SORCS2: variants seen among roughly 807,000 people sequenced by gnomAD.
SORCS2 encodes the protein sortilin related VPS10 domain containing receptor 2.
In SORCS2, 100 loss-of-function variants were observed where a neutral mutation model predicts 141.6. The observed-to-expected ratio is 0.71, with a 90% CI of 0.60 to 0.83. The LOEUF (loss-of-function observed/expected upper bound fraction) is 0.83, where lower values mean the gene tolerates loss of function less well. SORCS2 is among the 40% of genes least tolerant of loss of function. The probability of loss-of-function intolerance (pLI) is 0.00; values close to 1 mark genes in which losing one functional copy is unlikely to be tolerated. For missense variants in SORCS2, 1,646 were observed against 1,560.2 expected (o/e 1.05, Z -0.93); for synonymous variants, 789 against 676.9 (o/e 1.17, Z -2.57).
chr4:7,615,003 G>A (rs896151631), intron 3 of SORCS2, among the ~76,000 whole-genome samples: 2 of 151,336 alleles, frequency 1.3e-5, no homozygotes, highest in Admixed American at 1.3e-4. Flanking sequence ...CCACCCATCT[G>A]TTCATCTGCT....
In SORCS2 at chr4:7,714,227, G is replaced by A. The variant is rs1726031997; in HGVS notation, c.1990-13G>A. 6.2e-7 allele frequency: 1 copy of A among 1,608,304 alleles called. No homozygotes were observed. The highest frequency in any genetic ancestry group is 8.5e-7 in the Non-Finnish European group (1 of 1,177,616). The stretch of plus-strand genomic sequence containing the variant: ...GTCTCAGGCAGCTCCTTACCCTGAT[G>A]TTCCTGCTGCAGGGCGACCGCTGTA... On this transcript the variant is annotated splice_polypyrimidine_tract_variant and intron_variant, in intron 15 of 26. Coordinates refer to ENST00000507866, the MANE Select transcript of SORCS2 (RefSeq NM_020777.3).
chr4:7,526,130 G>C (rs1176536797), intron 2 of SORCS2, among the ~76,000 whole-genome samples: 1 of 152,228 alleles, frequency 6.6e-6, no homozygotes, highest in Non-Finnish European at 1.5e-5. Context: ...CAGGTGCCAC[G>C]ACCCAGGCGC....
At chr4:7,366,835 CAGCT>C (rs1315026028) in intron 1 of SORCS2, among the ~76,000 whole-genome samples, 1 of 152,212 alleles carries the variant, frequency 6.6e-6, no homozygotes, top group South Asian at 2.1e-4. Flanking sequence ...CCCTGGCTCA[CAGCT>C]AGGTGCATGG....
At chr4:7,211,536 C>A (rs1481970682) in intron 1 of SORCS2, among the ~76,000 whole-genome samples, 1 of 152,134 alleles carries the variant, frequency 6.6e-6, no homozygotes, top group African/African-American at 2.4e-5. Flanking sequence ...CCACACCTAG[C>A]TAATTTTTGT....
At chr4:7,372,400 G>A (rs981426345) in intron 1 of SORCS2, among the ~76,000 whole-genome samples, 2 of 152,116 alleles carry the variant, frequency 1.3e-5, no homozygotes, top group Admixed American at 6.5e-5. Context: ...TCCGTCCCCT[G>A]GGTTTAAGGG....
intron 3 of SORCS2, among the ~76,000 whole-genome samples, chr4:7,633,425 G>T (rs1481448472): frequency 6.6e-6 from 1 of 152,084 alleles, no homozygotes; most frequent in Non-Finnish European, 1.5e-5. Context: ...CATTCTTCAG[G>T]GCTCATCTGG....
At chr4:7,618,047 A>G (rs955872231) in intron 3 of SORCS2, among the ~76,000 whole-genome samples, 9 of 151,872 alleles carry the variant, frequency 5.9e-5, no homozygotes, top group African/African-American at 1.9e-4. Context: ...TGATGCCCCA[A>G]TCAAAGTCCA....
Position 7,741,168 on chromosome 4 carries a change from A to C in SORCS2, c.*904A>C, listed in dbSNP as rs1167188756. 1.0e-5 allele frequency: 4 copies of C among 398,572 alleles called. No homozygotes were observed. Among genetic ancestry groups the C allele is most frequent in the Non-Finnish European group, 1.8e-5 (4 of 226,114 alleles). 24.7% of individuals were successfully genotyped at this position (398,572 alleles called of 1,614,324 possible). A position where few individuals can be genotyped will look rare whatever the true frequency, so the allele number is the denominator to read the frequency against. On this transcript the variant is annotated 3_prime_UTR_variant, in exon 27 of 27. Coordinates refer to ENST00000507866, the MANE Select transcript of SORCS2 (RefSeq NM_020777.3). Reference sequence around the variant, plus strand: ...AAAGGTGGGTGGTGGAGACGGCACCAGATGTACCAGTTTTCTGCAGTTCCT... The same window carrying C: ...AAAGGTGGGTGGTGGAGACGGCACCCGATGTACCAGTTTTCTGCAGTTCCT...
chr4:7,414,031 A>G lies in SORCS2; in HGVS notation c.548+17676A>G, dbSNP rs151071534. 1.5e-4 allele frequency among the ~76,000 whole-genome samples: 23 copies of G among 152,316 alleles called. No homozygotes were observed. In the East Asian group the frequency reaches 4.1e-3, roughly 27 times the overall value. On this transcript the variant is annotated intron_variant, in intron 2 of 26. Transcript: ENST00000507866. ...AGCCATTTAGGGAAGAGGTAGTAAGATACATGTGAGATCAGCCTCCTTTCC... is the reference window on the plus strand; with the variant it reads ...AGCCATTTAGGGAAGAGGTAGTAAGGTACATGTGAGATCAGCCTCCTTTCC...
chr4:7,215,603 G>A (rs1007279598), intron 1 of SORCS2, among the ~76,000 whole-genome samples: 2 of 152,252 alleles, frequency 1.3e-5, no homozygotes, highest in Non-Finnish European at 2.9e-5. Context: ...TGAGTCTGGT[G>A]GGGACGTGGA....
rs1244666178 is a variant in SORCS2 at position 7,740,640 on chromosome 4, C to G, written c.*376C>G. 3.1e-6 allele frequency: 1 copy of G among 321,974 alleles called. No individual in the cohort carries two copies. The highest frequency in any genetic ancestry group is 2.0e-5 in the African/African-American group (1 of 49,048). 19.9% of individuals were successfully genotyped at this position (321,974 alleles called of 1,614,324 possible). A position where few individuals can be genotyped will look rare whatever the true frequency, so the allele number is the denominator to read the frequency against. On this transcript the variant is annotated 3_prime_UTR_variant, in exon 27 of 27. Transcript: ENST00000507866. ...ACCTCGGGCTGCAAGAGCTGCAGAC[C>G]CGTTCAGACACTGCGTTGCGGGCTC...
chr4:7,217,316 C>T (rs1009286305), intron 1 of SORCS2, among the ~76,000 whole-genome samples: 1 of 152,188 alleles, frequency 6.6e-6, no homozygotes, highest in South Asian at 2.1e-4. Context: ...TCAGGCATCA[C>T]AGTGCTCAGT....
intron 1 of SORCS2, among the ~76,000 whole-genome samples, chr4:7,333,818 C>T (rs1719811530): frequency 6.6e-6 from 1 of 152,212 alleles, no homozygotes; most frequent in Non-Finnish European, 1.5e-5. Flanking sequence ...CATTTTGCCT[C>T]GCTGAGCTGG....
At chr4:7,386,071 G>T (rs553294022) in intron 1 of SORCS2, among the ~76,000 whole-genome samples, 1 of 151,120 alleles carries the variant, frequency 6.6e-6, no homozygotes, top group Admixed American at 6.6e-5. Context: ...TGTTGCCTGC[G>T]CATACACATA....
chr4:7,680,405 G>A (rs1396848337), intron 9 of SORCS2, among the ~76,000 whole-genome samples: 1 of 152,244 alleles, frequency 6.6e-6, no homozygotes, highest in Non-Finnish European at 1.5e-5. Context: ...GTTTCTGCAG[G>A]GCCTGCTCTT....
intron 25 of SORCS2, among the ~76,000 whole-genome samples, chr4:7,735,903 C>T (rs112713907): frequency 5.9e-5 from 9 of 152,294 alleles, no homozygotes; most frequent in African/African-American, 2.2e-4. Context: ...GGGCGGCCTT[C>T]GAGCCCAGGC....
At chr4:7,367,052 T>C (rs1463817930) in intron 1 of SORCS2, among the ~76,000 whole-genome samples, 1 of 152,144 alleles carries the variant, frequency 6.6e-6, no homozygotes, top group African/African-American at 2.4e-5. Flanking sequence ...CAAGCAGTGG[T>C]GGATGTTAAA....
chr4:7,258,477 A>T (rs1714073591), intron 1 of SORCS2, among the ~76,000 whole-genome samples: 3 of 152,148 alleles, frequency 2.0e-5, no homozygotes. Context: ...ACATGAACTC[A>T]TTCCTTTTTT....
chr4:7,373,484 T>TTG lies in SORCS2; in HGVS notation c.481-22803_481-22802insGT, dbSNP rs1560228559. 3.0e-3 allele frequency among the ~76,000 whole-genome samples: 65 copies of TTG among 21,410 alleles called. 3 individuals are homozygous for TTG. Among genetic ancestry groups the TTG allele is most frequent in the African/African-American group, 7.8e-3 (61 of 7,804 alleles). 14.0% of individuals were successfully genotyped at this position (21,410 alleles called of 152,430 possible). On this transcript the variant is annotated intron_variant, in intron 1 of 26. Transcript: ENST00000507866. ...TATATATATATATATATATATTTTTTTTTTTTTTTTTTTTTTTTTTTTGAG... is the reference window on the plus strand; with the variant it reads ...TATATATATATATATATATATTTTTTTGTTTTTTTTTTTTTTTTTTTTTTGAG...
Sources: allele counts gnomAD v4.1 joint callset (sites outside exome capture counted in the v4.1 genomes callset), GRCh38; gene constraint gnomAD v4.1.1; transcripts MANE v1.5; gene names NCBI Gene and HGNC (gene_info 2026-07-23, HGNC 2026-07-21).